The following OAT variants were observed in gnomAD, a reference collection of about 807,000 sequenced individuals.
OAT encodes the protein ornithine aminotransferase.
Under a neutral mutation model 48.4 loss-of-function variants are expected in OAT, and 35 were observed. The observed-to-expected ratio is 0.72, with a 90% CI of 0.55 to 0.96. The LOEUF (loss-of-function observed/expected upper bound fraction) is 0.96, where lower values mean the gene tolerates loss of function less well. Ranked by LOEUF, OAT falls within the 40% of genes least tolerant of loss-of-function variation. The pLI, the probability that OAT is intolerant of heterozygous loss-of-function variation, is 0.00. For missense variants in OAT, 438 were observed against 537.9 expected (o/e 0.81, Z 1.84); for synonymous variants, 182 against 198.4 (o/e 0.92, Z 0.70).
rs372834151 is a variant in OAT, at chr10:124,402,918, G to T, written c.900+9C>A. The T allele has an allele frequency of 5.1e-5, 83 of 1,613,368 alleles. No homozygotes were observed. In the African/African-American group the frequency reaches 1.1e-3, roughly 20 times the overall value. On this transcript the variant is annotated intron_variant, in intron 7 of 9. Coordinates refer to ENST00000368845, the MANE Select transcript of OAT (RefSeq NM_000274.4). ...TAGGAAATGGAAAGAGGGGGAACATGAAACTTACAGGGTATAAGCCCCCAG... is the reference window on the plus strand; with the variant it reads ...TAGGAAATGGAAAGAGGGGGAACATTAAACTTACAGGGTATAAGCCCCCAG...
chr10:124,403,939 TAA>T lies in OAT; in HGVS notation c.649-21_649-20del, dbSNP rs1951498615. 6.2e-7 allele frequency: 1 copy of T among 1,613,776 alleles called. No individual in the cohort carries two copies. Among genetic ancestry groups the T allele is most frequent in the Admixed American group, 1.7e-5 (1 of 60,000 alleles). ...GAGCACGCTACAGAAGAAACAGGAATAAGTTTTAATAACTTCCTTTCTACCAC... is the reference window on the plus strand; with the variant it reads ...GAGCACGCTACAGAAGAAACAGGAATGTTTTAATAACTTCCTTTCTACCAC... On this transcript the variant is annotated intron_variant, in intron 5 of 9. Coordinates refer to ENST00000368845, the MANE Select transcript of OAT (RefSeq NM_000274.4).
At chr10:124,412,482 C>A (rs1389917443) in intron 1 of OAT, among the ~76,000 whole-genome samples, 1 of 151,622 alleles carries the variant, frequency 6.6e-6, no homozygotes, top group Non-Finnish European at 1.5e-5. Context: ...TGTACTCCAA[C>A]CTGGGAGACA....
chr10:124,399,338 C>CTTTTTTTTTTT (rs937720307), intron 9 of OAT, among the ~76,000 whole-genome samples: 1 of 58,764 alleles, frequency 1.7e-5, no homozygotes, highest in Non-Finnish European at 3.0e-5. Context: ...CCAGGTGATT[C>CTTTTTTTTTTT]TTTTTTTTTT....
In OAT at chr10:124,397,682, A is replaced by G. The variant is rs11553547; in HGVS notation, c.*260T>C. 1 of 448,562 alleles carries G rather than the reference A, an allele frequency of 2.2e-6. No homozygotes were observed. The highest frequency in any genetic ancestry group is 4.1e-6 in the Non-Finnish European group (1 of 245,774). 27.8% of individuals were successfully genotyped at this position (448,562 alleles called of 1,614,324 possible). On this transcript the variant is annotated 3_prime_UTR_variant, in exon 10 of 10. Coordinates refer to ENST00000368845, the MANE Select transcript of OAT (RefSeq NM_000274.4). ...TTAGAGGCTGTCTGTATATAGATGC[A>G]TTTCACCTTAGGAAGTACACATGCA...
intron 1 of OAT, among the ~76,000 whole-genome samples, chr10:124,417,094 T>C (rs1951941160): frequency 6.6e-6 from 1 of 152,030 alleles, no homozygotes; most frequent in Admixed American, 6.6e-5. Context: ...CTAAAGGGCA[T>C]AAAATATGCA....
chr10:124,398,061 C>A lies in OAT; in HGVS notation c.1201G>T (p.Gly401Ter), dbSNP rs121965055. The A allele has an allele frequency of 6.2e-7, 1 of 1,614,136 alleles. No homozygotes were observed. The highest frequency in any genetic ancestry group is 8.5e-7 in the Non-Finnish European group (1 of 1,179,996). The change falls in exon 10 of 10, where the codon GGA becomes TGA. Residue 401 changes from glycine to a stop codon, truncating the protein, a stop_gained. Transcript: ENST00000368845. LOFTEE classifies it high-confidence loss of function. ...WKVCLRLRDN[G>*]LLAKPTHGDI... ...CCATGGGTTGGCTTGGCCAGAAGTC[C>A]ATTATCTCGAAGTCGTAGACACACC...
intron 9 of OAT, 130 bp from the exon 10 acceptor site, chr10:124,398,232 T>G: frequency 2.0e-6 from 2 of 1,015,570 alleles, no homozygotes; most frequent in Non-Finnish European, 3.0e-6. Flanking sequence ...AAGCTTGGGC[T>G]GGGAGCGGTG....
chr10:124,412,774 T>C (rs966479554), intron 1 of OAT, among the ~76,000 whole-genome samples: 1 of 152,184 alleles, frequency 6.6e-6, no homozygotes, highest in Non-Finnish European at 1.5e-5. Context: ...TGATACCCTG[T>C]CAATCAGGCA....
At chr10:124,405,865 C>T in intron 4 of OAT, 1 of 1,204,914 alleles carries the variant, frequency 8.3e-7, no homozygotes, top group South Asian at 1.6e-5. Context: ...CAATAATCCC[C>T]AACCCAAAAC....
At chr10:124,401,063 C>A (rs1238486602) in intron 8 of OAT, 79 bp from the exon 9 acceptor site, 28 of 961,458 alleles carry the variant, frequency 2.9e-5, no homozygotes, top group Non-Finnish European at 4.2e-5. Context: ...ACTGTAAACA[C>A]AGGAAAAACA....
Position 124,411,158 on chromosome 10 carries a change from AAAAAAAG to A in OAT, c.199+808_199+814del, listed in dbSNP as rs1481979931. 6.8e-5 allele frequency among the ~76,000 whole-genome samples: 10 copies of A among 145,994 alleles called. No individual in the cohort carries two copies. The East Asian group carries it at 9.9e-4, about 14-fold the overall frequency. ...CCGTCTCAAAAAAAAAAAAAAAAAAAAAAAAAGAAGAAGAGATGTCATGTCTGCAACT... is the reference window on the plus strand; with the variant it reads ...CCGTCTCAAAAAAAAAAAAAAAAAAAAAGAAGAGATGTCATGTCTGCAACT... On this transcript the variant is annotated intron_variant, in intron 2 of 9. Transcript: ENST00000368845.
chr10:124,411,961 T>C lies in OAT; in HGVS notation c.199+12A>G, dbSNP rs1385619525. The C allele has an allele frequency of 4.3e-6, 7 of 1,611,852 alleles. No individual in the cohort carries two copies. Among genetic ancestry groups the C allele is most frequent in the Non-Finnish European group, 5.9e-6 (7 of 1,178,004 alleles). On this transcript the variant is annotated intron_variant, in intron 2 of 9. Coordinates refer to ENST00000368845, the MANE Select transcript of OAT (RefSeq NM_000274.4). ...CAAGAAAAGGGAAAAGACGGATTAA[T>C]TTGAAACGTACCTTTTCCTCTCTCC...
intron 1 of OAT, among the ~76,000 whole-genome samples, chr10:124,413,080 G>A (rs1480083322): frequency 1.3e-5 from 2 of 152,122 alleles, no homozygotes; most frequent in African/African-American, 4.8e-5. Context: ...AATTAAAGGT[G>A]TGAGCCACTG....
intron 5 of OAT, 106 bp from the exon 6 acceptor site, chr10:124,404,026 T>G: frequency 2.2e-6 from 3 of 1,362,824 alleles, no homozygotes; most frequent in Non-Finnish European, 3.1e-6. Flanking sequence ...AAATCAAGTT[T>G]TCGCACTAAC....
chr10:124,417,932 G>T (rs905603249), intron 1 of OAT, among the ~76,000 whole-genome samples: 1 of 152,246 alleles, frequency 6.6e-6, no homozygotes, highest in African/African-American at 2.4e-5. Context: ...AGTGACAAAA[G>T]GAGACGGTGG....
intron 5 of OAT, 136 bp downstream of exon 5, chr10:124,405,300 A>C (rs1951540172): frequency 7.7e-7 from 1 of 1,303,386 alleles, no homozygotes; most frequent in South Asian, 1.3e-5. Context: ...CGCTACTGAG[A>C]ACAAGTCTGA....
intron 8 of OAT, among the ~76,000 whole-genome samples, chr10:124,401,454 T>C (rs902903163): frequency 2.0e-5 from 3 of 152,184 alleles, no homozygotes; most frequent in African/African-American, 7.2e-5. Context: ...TGGGTCACAG[T>C]TGAGAGTTCT....
intron 4 of OAT, chr10:124,406,983 G>A: frequency 1.0e-6 from 1 of 985,334 alleles, no homozygotes; most frequent in African/African-American, 1.7e-5. Flanking sequence ...TAAAATAACA[G>A]AGAGGTTGGG....
In OAT at chr10:124,403,831, T is replaced by G. The variant is rs1589702453; in HGVS notation, c.738A>C (p.Leu246=). ...AGVVVPDPGY[L]MGVRELCTRH... ...TGGTGCAGAGCTCTCGCACTCCCAT[T>G]AGGTAACCTGGATCCGGAACAACAA... Residue 246 remains leucine (L), a synonymous_variant, in exon 6 of 10, where the codon CTA becomes CTC. Transcript: ENST00000368845. 2 of 1,614,146 alleles carry G rather than the reference T, an allele frequency of 1.2e-6. No homozygotes were observed. Among genetic ancestry groups the G allele is most frequent in the Non-Finnish European group, 1.7e-6 (2 of 1,180,006 alleles).
Sources: gnomAD v4.1 joint callset for allele counts (sites outside exome capture counted in the v4.1 genomes callset) on GRCh38, gnomAD v4.1.1 for gene constraint, MANE v1.5 for transcripts, NCBI Gene and HGNC (gene_info 2026-07-23, HGNC 2026-07-21) for gene names.